The following TOGARAM2 variants were observed in gnomAD, a reference collection of about 807,000 sequenced individuals.
TOGARAM2 encodes the protein TOG array regulator of axonemal microtubules protein 2.
TOGARAM2 carries 85 observed loss-of-function variants against 93.3 expected under a neutral mutation model. The ratio of observed to expected loss-of-function variants is 0.91; its 90% CI spans 0.76 to 1.09. The LOEUF (loss-of-function observed/expected upper bound fraction) is 1.09, where lower values mean the gene tolerates loss of function less well. TOGARAM2 is among the 50% of genes least tolerant of loss of function. The pLI, the probability that TOGARAM2 is intolerant of heterozygous loss-of-function variation, is 0.00. For missense variants in TOGARAM2, 1,277 were observed against 1,334.5 expected (o/e 0.96, Z 0.67); for synonymous variants, 593 against 552.8 (o/e 1.07, Z -1.02).
Position 29,051,820 on chromosome 2 carries a change from C to T in TOGARAM2, c.2787C>T (p.Leu929=). 1 of 1,563,108 alleles carries T rather than the reference C, an allele frequency of 6.4e-7. No individual in the cohort carries two copies. Among genetic ancestry groups the T allele is most frequent in the Non-Finnish European group, 8.7e-7 (1 of 1,153,344 alleles). ...QAVERHVLPI[L]WHFLNTATRN... ...TAGAGCGGCATGTCCTTCCCATCCTCTGGCACTTCCTGAACACCGCCACCA... is the reference window on the plus strand; with the variant it reads ...TAGAGCGGCATGTCCTTCCCATCCTTTGGCACTTCCTGAACACCGCCACCA... Residue 929 remains leucine (L), a synonymous_variant, in exon 20 of 20, where the codon CTC becomes CTT. Coordinates refer to ENST00000379558, the MANE Select transcript of TOGARAM2 (RefSeq NM_199280.4).
chr2:29,051,847 G>A lies in TOGARAM2; in HGVS notation c.2814G>A (p.Arg938=). The part of the protein sequence containing the change: ...ILWHFLNTAT[R]NGTLPGPSGN... ...GGCACTTCCTGAACACCGCCACCAGGAATGGCACCCTGCCTGGACCCAGCG... is the reference window on the plus strand; with the variant it reads ...GGCACTTCCTGAACACCGCCACCAGAAATGGCACCCTGCCTGGACCCAGCG... The change falls in exon 20 of 20, where the codon AGG becomes AGA. Residue 938 remains arginine (R), a synonymous_variant. Transcript: ENST00000379558. The A allele has an allele frequency of 6.4e-7, 1 of 1,568,114 alleles. No homozygotes were observed. Among genetic ancestry groups the A allele is most frequent in the Non-Finnish European group, 8.6e-7 (1 of 1,156,670 alleles).
chr2:29,035,272 C>A (rs1666017891), intron 16 of TOGARAM2, among the ~76,000 whole-genome samples, 192 bp from the exon 17 acceptor site: 1 of 152,154 alleles, frequency 6.6e-6, no homozygotes, highest in African/African-American at 2.4e-5. Context: ...AAGAGAGAGC[C>A]CTGGCCCCTG....
intron 9 of TOGARAM2, among the ~76,000 whole-genome samples, chr2:29,017,540 G>A (rs921234404): frequency 6.6e-6 from 1 of 152,044 alleles, no homozygotes; most frequent in African/African-American, 2.4e-5. Context: ...CCAAGTAGTG[G>A]GAAATACAGA....
chr2:28,968,658 A>G (rs1671900524), intron 1 of TOGARAM2, among the ~76,000 whole-genome samples: 1 of 151,950 alleles, frequency 6.6e-6, no homozygotes, highest in African/African-American at 2.4e-5. Flanking sequence ...AATACAAAAA[A>G]TACAAAAAAT....
Position 29,052,158 on chromosome 2 carries a change from C to T in TOGARAM2, c.*65C>T, listed in dbSNP as rs977422543. 2.3e-6 allele frequency: 3 copies of T among 1,311,556 alleles called. No homozygotes were observed. In the Admixed American group the frequency reaches 9.0e-5, roughly 39 times the overall value. 81.2% of individuals were successfully genotyped at this position (1,311,556 alleles called of 1,614,324 possible). A position where few individuals can be genotyped will look rare whatever the true frequency, so the allele number is the denominator to read the frequency against. On this transcript the variant is annotated 3_prime_UTR_variant, in exon 20 of 20. Transcript: ENST00000379558. Reference sequence around the variant, plus strand: ...TTTTGATGGACTATTCTCCTGGTTACTTTCCCCCTTAGAGTTCCAGATGTA... The same window carrying T: ...TTTTGATGGACTATTCTCCTGGTTATTTTCCCCCTTAGAGTTCCAGATGTA...
chr2:29,035,551 A>G lies in TOGARAM2; in HGVS notation c.2313A>G (p.Thr771=), dbSNP rs1666045528. 9 of 1,584,648 alleles carry G rather than the reference A, an allele frequency of 5.7e-6. No individual in the cohort carries two copies. Among genetic ancestry groups the G allele is most frequent in the Admixed American group, 1.8e-5 (1 of 56,518 alleles). Residue 771 remains threonine (T), a synonymous_variant, in exon 17 of 20, where the codon ACA becomes ACG. Transcript: ENST00000379558. Reference sequence around the variant, plus strand: ...TGGTGGAGCAGCTACGGGAGCTGACACGGCTGCTGGAGGCCAAGGACTTCC... The same window carrying G: ...TGGTGGAGCAGCTACGGGAGCTGACGCGGCTGCTGGAGGCCAAGGACTTCC... ...GEMVEQLREL[T]RLLEAKDFRS...
intron 1 of TOGARAM2, among the ~76,000 whole-genome samples, chr2:28,961,487 G>T (rs966005404): frequency 5.3e-5 from 8 of 151,552 alleles, no homozygotes; most frequent in Non-Finnish European, 1.2e-4. Context: ...GATTATAGGC[G>T]CCCGCCACCA....
At chr2:29,036,798 G>A (rs901746758) in intron 18 of TOGARAM2, 41 bp downstream of exon 18, 35 of 1,573,270 alleles carry the variant, frequency 2.2e-5, no homozygotes, top group Non-Finnish European at 2.9e-5. Flanking sequence ...TGGTCACCAT[G>A]TCCACCCTCC....
intron 6 of TOGARAM2, among the ~76,000 whole-genome samples, chr2:29,008,059 C>A (rs1459508714): frequency 6.6e-6 from 1 of 152,102 alleles, no homozygotes; most frequent in Non-Finnish European, 1.5e-5. Flanking sequence ...ACTGCCTCAG[C>A]CCCTCCCTTC....
In TOGARAM2 at chr2:29,008,708, C is replaced by T. The variant is rs369639909; in HGVS notation, c.831-2747C>T. On this transcript the variant is annotated intron_variant, in intron 6 of 19. Transcript: ENST00000379558. ...CTGATCTCAGGTGATCTGCCCACCTCGGCCTCCCAAAGTGCTGGGATTACA... is the reference window on the plus strand; with the variant it reads ...CTGATCTCAGGTGATCTGCCCACCTTGGCCTCCCAAAGTGCTGGGATTACA... Among the ~76,000 whole-genome samples the T allele has an allele frequency of 5.3e-5, 8 of 151,880 alleles. No homozygotes were observed. The East Asian group carries it at 9.7e-4, about 18-fold the overall frequency.
At chr2:28,963,247 C>A (rs1671822827) in intron 1 of TOGARAM2, among the ~76,000 whole-genome samples, 1 of 152,156 alleles carries the variant, frequency 6.6e-6, no homozygotes, top group Admixed American at 6.5e-5. Flanking sequence ...TGAGGATTTT[C>A]CAAAGATCTT....
At chr2:29,002,192 G>A (rs1673340724) in intron 4 of TOGARAM2, among the ~76,000 whole-genome samples, 1 of 152,176 alleles carries the variant, frequency 6.6e-6, no homozygotes, top group Admixed American at 6.5e-5. Flanking sequence ...AGTGTAATGG[G>A]GTTCAGAGAG....
At chr2:28,977,103 T>C (rs1423113551), upstream of TOGARAM2, among the ~76,000 whole-genome samples, 2 of 152,204 alleles carry the variant, frequency 1.3e-5, no homozygotes, top group Non-Finnish European at 2.9e-5. Flanking sequence ...GCATCAGGGC[T>C]CTAAGGGACC....
At chr2:29,032,391 G>T (rs535716240) in intron 14 of TOGARAM2, among the ~76,000 whole-genome samples, 1 of 152,154 alleles carries the variant, frequency 6.6e-6, no homozygotes, top group East Asian at 1.9e-4. Context: ...GAGCCCCAAC[G>T]CAAGGGTCAC....
chr2:28,998,096 G>C lies in TOGARAM2; in HGVS notation c.29-47G>C, dbSNP rs760778603. The C allele has an allele frequency of 4.4e-6, 6 of 1,351,198 alleles. No individual in the cohort carries two copies. The East Asian group carries it at 1.5e-4, about 35-fold the overall frequency. 83.7% of individuals were successfully genotyped at this position (1,351,198 alleles called of 1,614,324 possible). On this transcript the variant is annotated intron_variant, in intron 2 of 19. Transcript: ENST00000379558. ...TGTTCTTGGTTTGCTCCCAGTCTTGGCCTTGGAGGACTCTCAGGTGCTGCT... is the reference window on the plus strand; with the variant it reads ...TGTTCTTGGTTTGCTCCCAGTCTTGCCCTTGGAGGACTCTCAGGTGCTGCT...
chr2:28,964,139 G>A (rs1339163723), intron 1 of TOGARAM2, among the ~76,000 whole-genome samples: 2 of 152,082 alleles, frequency 1.3e-5, no homozygotes, highest in Non-Finnish European at 2.9e-5. Context: ...TACTGAAATA[G>A]GCCTATTAAA....
chr2:28,982,657 T>C (rs961171759), intron 1 of TOGARAM2, among the ~76,000 whole-genome samples: 3 of 152,170 alleles, frequency 2.0e-5, no homozygotes, highest in African/African-American at 7.2e-5. Context: ...TGGAGAGACC[T>C]GCCTCTGAGG....
At chr2:29,042,452 G>A (rs1007827006) in intron 18 of TOGARAM2, among the ~76,000 whole-genome samples, 1 of 152,230 alleles carries the variant, frequency 6.6e-6, no homozygotes, top group Non-Finnish European at 1.5e-5. Context: ...AGCCCCTGCT[G>A]TGTCTAGATG....
At chr2:28,994,043 T>C (rs571745773) in intron 1 of TOGARAM2, among the ~76,000 whole-genome samples, 78 of 152,262 alleles carry the variant, frequency 5.1e-4, no homozygotes, top group African/African-American at 1.8e-3. Context: ...AAAGGATTCA[T>C]AGAATTGTGT....
Sources: allele counts gnomAD v4.1 joint callset (sites outside exome capture counted in the v4.1 genomes callset), GRCh38; gene constraint gnomAD v4.1.1; transcripts MANE v1.5; gene names NCBI Gene and HGNC (gene_info 2026-07-23, HGNC 2026-07-21).